The following TEX9 variants were observed in gnomAD, a reference collection of about 807,000 sequenced individuals.
The protein encoded by TEX9 is testis-expressed protein 9.
A neutral mutation model predicts 59.6 loss-of-function variants in TEX9; 74 were observed. The ratio of observed to expected loss-of-function variants is 1.24; its 90% CI spans 1.03 to 1.51. The LOEUF is 1.51. Among genes scored for constraint, TEX9 ranks in the 40% most tolerant of loss-of-function variants. The pLI, the probability that TEX9 is intolerant of heterozygous loss-of-function variation, is 0.00. For synonymous variants in TEX9, 186 were observed against 152.2 expected, an observed-to-expected ratio of 1.22 and a Z score of -1.64; for missense variants, 522 against 447.8, an observed-to-expected ratio of 1.17 and a Z score of -1.49.
upstream of TEX9, among the ~76,000 whole-genome samples, chr15:56,363,239 A>G (rs1240461255): frequency 6.6e-6 from 1 of 150,806 alleles, no homozygotes; most frequent in East Asian, 1.9e-4. Flanking sequence ...AAGTTTCTCT[A>G]CATCCTCCTC....
intron 1 of TEX9, among the ~76,000 whole-genome samples, chr15:56,337,358 G>T (rs544198410): frequency 1.3e-5 from 2 of 152,078 alleles, no homozygotes; most frequent in African/African-American, 4.8e-5. Context: ...GCATGTATTC[G>T]TCTGGCATCA....
exon 9 of TEX9, chr15:56,394,834 G>A (rs141149800): frequency 2.5e-6 from 4 of 1,602,036 alleles, no homozygotes; most frequent in Admixed American, 1.8e-5. Flanking sequence ...CAGTAGAAAG[G>A]GTAATTATTT....
chr15:56,418,188 G>C (rs2049793526), intron 10 of TEX9, among the ~76,000 whole-genome samples: 1 of 151,832 alleles, frequency 6.6e-6, no homozygotes, highest in Admixed American at 6.6e-5. Context: ...TTCAAGGTTA[G>C]TATTAATATG....
intron 1 of TEX9, among the ~76,000 whole-genome samples, chr15:56,318,306 A>G (rs1055969412): frequency 1.3e-5 from 2 of 152,150 alleles, no homozygotes; most frequent in Non-Finnish European, 2.9e-5. Context: ...TTCATCTGAT[A>G]TAAATATAGC....
chr15:56,349,224 G>A (rs751908204), intron 1 of TEX9, among the ~76,000 whole-genome samples: 1 of 152,092 alleles, frequency 6.6e-6, no homozygotes, highest in Non-Finnish European at 1.5e-5. Flanking sequence ...TGCTTATGTT[G>A]TAGAGACTAT....
intron 1 of TEX9, among the ~76,000 whole-genome samples, chr15:56,320,842 T>C (rs2045886177): frequency 6.6e-6 from 1 of 152,226 alleles, no homozygotes; most frequent in Admixed American, 6.5e-5. Flanking sequence ...AAGGGCTCCT[T>C]TGTTTTCCTT....
intron 10 of TEX9, among the ~76,000 whole-genome samples, chr15:56,423,631 T>TATCA (rs1224189506): frequency 6.6e-6 from 1 of 152,128 alleles, no homozygotes; most frequent in Non-Finnish European, 1.5e-5. Flanking sequence ...TTTGCAATTT[T>TATCA]ATCACCCCAA....
chr15:56,403,234 C>A (rs2048890712), intron 9 of TEX9, among the ~76,000 whole-genome samples: 1 of 152,208 alleles, frequency 6.6e-6, no homozygotes, highest in Admixed American at 6.5e-5. Context: ...GTTTAGAAAA[C>A]CCCATCGTCT....
intron 1 of TEX9, among the ~76,000 whole-genome samples, chr15:56,330,528 A>G (rs1377449718): frequency 6.6e-6 from 1 of 152,170 alleles, no homozygotes; most frequent in Non-Finnish European, 1.5e-5. Flanking sequence ...GTAAAAAAGT[A>G]GAGGAACAAA....
chr15:56,311,691 C>T (rs76237229), intron 1 of TEX9, among the ~76,000 whole-genome samples: 15 of 138,786 alleles, frequency 1.1e-4, no homozygotes, highest in Non-Finnish European at 1.8e-4. Context: ...ATGGTATTTC[C>T]AGTTCTAGAT....
chr15:56,430,872 T>A (rs1309928517), intron 12 of TEX9, among the ~76,000 whole-genome samples: 1 of 152,106 alleles, frequency 6.6e-6, no homozygotes, highest in African/African-American at 2.4e-5. Context: ...GAAAAGAAAC[T>A]CTAAAATACA....
chr15:56,422,193 A>G (rs1352118031), intron 10 of TEX9, among the ~76,000 whole-genome samples: 1 of 151,330 alleles, frequency 6.6e-6, no homozygotes. Flanking sequence ...TAGCACATGT[A>G]TACATATGTA....
chr15:56,430,639 A>C (rs137997149), intron 12 of TEX9, among the ~76,000 whole-genome samples: 4,016 of 152,300 alleles, frequency 0.026, 175 homozygotes, highest in African/African-American at 0.091. Context: ...AGCTCAGTTC[A>C]ACCATGTGCC....
intron 1 of TEX9, among the ~76,000 whole-genome samples, chr15:56,295,566 T>C (rs2045198524): frequency 6.6e-6 from 1 of 152,236 alleles, no homozygotes; most frequent in South Asian, 2.1e-4. Context: ...CATCTCCACC[T>C]GATATTTAGT....
intron 1 of TEX9, among the ~76,000 whole-genome samples, chr15:56,327,327 A>C (rs2046040212): frequency 6.6e-6 from 1 of 152,160 alleles, no homozygotes; most frequent in Non-Finnish European, 1.5e-5. Context: ...GCTTTATTTC[A>C]GTTTCATTGA....
At chr15:56,274,161 G>C (rs1347819448) in intron 1 of TEX9, among the ~76,000 whole-genome samples, 4 of 152,082 alleles carry the variant, frequency 2.6e-5, no homozygotes, top group African/African-American at 7.2e-5. Flanking sequence ...GGTGCTCTGA[G>C]CCGTTTTTAT....
At chr15:56,357,728 T>C (rs1688365318) in intron 1 of TEX9, among the ~76,000 whole-genome samples, 2 of 152,168 alleles carry the variant, frequency 1.3e-5, no homozygotes, top group South Asian at 2.1e-4. Context: ...ATGTGTTTAA[T>C]ATCTGCAAGC....
chr15:56,434,190 C>CTTA, intron 12 of TEX9: 1 of 1,613,866 alleles, frequency 6.2e-7, no homozygotes, highest in African/African-American at 1.3e-5. Flanking sequence ...TTCCACAGCC[C>CTTA]TCCTGTGTTC....
chr15:56,259,209 T>G (rs1276882820), intron 1 of TEX9, among the ~76,000 whole-genome samples: 1 of 152,082 alleles, frequency 6.6e-6, no homozygotes, highest in Non-Finnish European at 1.5e-5. Flanking sequence ...AATAAATTTT[T>G]GTTGGAAGAC....
Sources: allele counts gnomAD v4.1 joint callset (sites outside exome capture counted in the v4.1 genomes callset), GRCh38; gene constraint gnomAD v4.1.1; transcripts MANE v1.5; gene names NCBI Gene and HGNC (gene_info 2026-07-23, HGNC 2026-07-21).